The following TENM2 variants were observed in gnomAD, a reference collection of about 807,000 sequenced individuals.
The protein encoded by TENM2 is teneurin-2.
Under a neutral mutation model 245.2 loss-of-function variants are expected in TENM2, and 52 were observed. The observed-to-expected ratio is 0.21, with a 90% confidence interval of 0.17 to 0.27. The LOEUF is 0.27. TENM2 is among the 10% of genes least tolerant of loss of function. The pLI, the probability that TENM2 is intolerant of heterozygous loss-of-function variation, is 1.00. For synonymous variants in TENM2, 1,363 were observed against 1,438.9 expected (o/e 0.95, Z 1.19); for missense variants, 3,046 against 3,666.8 (o/e 0.83, Z 4.37).
At chr5:167,101,234 A>G in the TENM2 span, among the ~76,000 whole-genome samples, 1 of 152,212 alleles carries the variant, frequency 6.6e-6, no homozygotes, top group South Asian at 2.1e-4. Flanking sequence ...TGTTTGGTAT[A>G]TGGAAACAGT....
chr5:167,624,795 T>C (rs1032233663), intron 2 of TENM2, among the ~76,000 whole-genome samples: 1 of 152,204 alleles, frequency 6.6e-6, no homozygotes, highest in African/African-American at 2.4e-5. Flanking sequence ...ACTTAAGGCT[T>C]CATAACAAGA....
intron 1 of TENM2, among the ~76,000 whole-genome samples, chr5:167,316,939 G>T (rs936540297): frequency 1.3e-5 from 2 of 152,126 alleles, no homozygotes; most frequent in African/African-American, 4.8e-5. Flanking sequence ...AGAGCACACA[G>T]TCAACAATGT....
chr5:167,776,161 C>CCA (rs66740766), intron 2 of TENM2, among the ~76,000 whole-genome samples: 49 of 133,134 alleles, frequency 3.7e-4, no homozygotes, highest in South Asian at 1.4e-3. Context: ...AAAAAAAAAT[C>CCA]CACACACACA....
Position 167,363,533 on chromosome 5 carries a change from C to CAGGAT in TENM2, c.227-11664_227-11663insGGATA, listed in dbSNP as rs562381773. Among the ~76,000 whole-genome samples the CAGGAT allele has an allele frequency of 3.2e-4, 49 of 151,714 alleles. 1 individual carries two copies. Among genetic ancestry groups the CAGGAT allele is most frequent in the Non-Finnish European group, 5.9e-4 (40 of 67,928 alleles). On this transcript the variant is annotated intron_variant, in intron 1 of 28. Transcript: ENST00000518659. ...GATCACAAGGTCAGGAGGTCAAGAC[C>CAGGAT]ATCCTGGTTAACACGGTGAAACCCT... is the stretch of plus-strand genomic sequence containing the variant.
the TENM2 span, among the ~76,000 whole-genome samples, chr5:167,278,469 T>C: frequency 6.6e-6 from 1 of 152,208 alleles, no homozygotes; most frequent in African/African-American, 2.4e-5. Context: ...TTTTTAATTT[T>C]CTTTTTGTTC....
intron 6 of TENM2, among the ~76,000 whole-genome samples, chr5:168,053,715 G>C (rs752660663): frequency 2.0e-5 from 3 of 152,176 alleles, no homozygotes; most frequent in Non-Finnish European, 4.4e-5. Context: ...TTTATATAAA[G>C]AGCTTGAGCA....
intron 2 of TENM2, among the ~76,000 whole-genome samples, chr5:167,526,615 AT>A (rs1391245878): frequency 2.6e-5 from 4 of 151,938 alleles, no homozygotes; most frequent in Admixed American, 1.3e-4. Flanking sequence ...TATTTTTATA[AT>A]TCTTATTAAA....
At chr5:167,550,812 C>G (rs995983465) in intron 2 of TENM2, among the ~76,000 whole-genome samples, 1 of 151,386 alleles carries the variant, frequency 6.6e-6, no homozygotes, top group African/African-American at 2.4e-5. Context: ...TCAGTGCAAC[C>G]TCCACCTCCT....
intron 2 of TENM2, among the ~76,000 whole-genome samples, chr5:167,397,298 AG>A (rs1416009518): frequency 1.3e-5 from 2 of 152,282 alleles, no homozygotes; most frequent in East Asian, 3.9e-4. Flanking sequence ...AAAAAATGAA[AG>A]ATAAGAAAAT....
chr5:167,176,417 A>G, the TENM2 span, among the ~76,000 whole-genome samples: 5 of 152,210 alleles, frequency 3.3e-5, no homozygotes, highest in Non-Finnish European at 5.9e-5. Context: ...TTATCATTCT[A>G]TCTAACTGGG....
intron 4 of TENM2, among the ~76,000 whole-genome samples, chr5:167,981,979 CAAAAAA>C (rs58295569): frequency 9.9e-6 from 1 of 100,774 alleles, no homozygotes; most frequent in African/African-American, 3.8e-5. Flanking sequence ...TGTTTCAGAC[CAAAAAA>C]AAAAAAAAAA....
chr5:167,088,990 C>T, the TENM2 span, among the ~76,000 whole-genome samples: 10 of 152,298 alleles, frequency 6.6e-5, no homozygotes, highest in African/African-American at 1.7e-4. Flanking sequence ...TTTATTTAGA[C>T]GCAGTTTCGT....
chr5:167,478,544 C>G (rs1459017981), intron 2 of TENM2, among the ~76,000 whole-genome samples: 1 of 152,156 alleles, frequency 6.6e-6, no homozygotes, highest in Non-Finnish European at 1.5e-5. Flanking sequence ...CACCATCCAC[C>G]AGCCGGATAT....
intron 2 of TENM2, among the ~76,000 whole-genome samples, chr5:167,486,891 G>T (rs1009675877): frequency 6.6e-6 from 1 of 152,024 alleles, no homozygotes; most frequent in African/African-American, 2.4e-5. Context: ...ATATAAAATG[G>T]GTAGGGAGAA....
intron 2 of TENM2, among the ~76,000 whole-genome samples, chr5:167,633,751 C>A (rs1271715269): frequency 6.6e-6 from 1 of 152,088 alleles, no homozygotes; most frequent in African/African-American, 2.4e-5. Flanking sequence ...GACCCAGGCA[C>A]TATACCCTCC....
chr5:168,066,882 A>G (rs979681349), intron 7 of TENM2, among the ~76,000 whole-genome samples: 6 of 152,190 alleles, frequency 3.9e-5, no homozygotes, highest in Non-Finnish European at 8.8e-5. Flanking sequence ...TGACCTGGCT[A>G]CAGTGCTAGG....
intron 4 of TENM2, among the ~76,000 whole-genome samples, chr5:167,987,126 G>T (rs1304176650): frequency 6.6e-6 from 1 of 152,042 alleles, no homozygotes; most frequent in Non-Finnish European, 1.5e-5. Context: ...TCTTTTTGCT[G>T]AATCTTTTGA....
chr5:167,570,794 A>C (rs1164380020), intron 2 of TENM2, among the ~76,000 whole-genome samples: 1 of 152,218 alleles, frequency 6.6e-6, no homozygotes, highest in South Asian at 2.1e-4. Flanking sequence ...GAAAACAGTA[A>C]CTTTAAGAGA....
intron 5 of TENM2, among the ~76,000 whole-genome samples, chr5:167,999,558 A>C (rs1784282308): frequency 6.6e-6 from 1 of 152,178 alleles, no homozygotes; most frequent in South Asian, 2.1e-4. Flanking sequence ...GGTCTCCATC[A>C]CCTAGCGGCC....
Sources: gnomAD v4.1 joint callset for allele counts (sites outside exome capture counted in the v4.1 genomes callset) on GRCh38, gnomAD v4.1.1 for gene constraint, MANE v1.5 for transcripts, NCBI Gene and HGNC (gene_info 2026-07-23, HGNC 2026-07-21) for gene names.